The following OSBPL10 variants were observed in gnomAD, a reference collection of about 807,000 sequenced individuals.
The protein encoded by OSBPL10 is oxysterol binding protein like 10.
A neutral mutation model predicts 81.7 loss-of-function variants in OSBPL10; 49 were observed. That is an observed-to-expected ratio of 0.60 (90% CI 0.48 to 0.76). The LOEUF (loss-of-function observed/expected upper bound fraction) is 0.76, where lower values mean the gene tolerates loss of function less well. Ranked by LOEUF, OSBPL10 falls within the 30% of genes least tolerant of loss-of-function variation. OSBPL10 has a pLI of 0.00. For missense variants in OSBPL10, 923 were observed against 987.8 expected (o/e 0.93, Z 0.88); for synonymous variants, 419 against 383.6 (o/e 1.09, Z -1.08).
At chr3:31,933,492 T>C (rs1697305351) in intron 1 of OSBPL10, among the ~76,000 whole-genome samples, 2 of 151,892 alleles carry the variant, frequency 1.3e-5, no homozygotes, top group East Asian at 3.9e-4. Flanking sequence ...GCAGCCTCGA[T>C]CTCCTGGGCT....
In OSBPL10 at chr3:31,847,210, T is replaced by TA. The variant is rs1559490091; in HGVS notation, c.538-16980_538-16979insT. On this transcript the variant is annotated intron_variant, in intron 3 of 11. Coordinates refer to ENST00000396556, the MANE Select transcript of OSBPL10 (RefSeq NM_017784.5). ...TCCCCATTCCTTTTTTTTTTTTTTT[T>TA]TAAAAAGACAGAATTTCATTTGGTA... Among the ~76,000 whole-genome samples, 31 of 106,020 alleles carry TA rather than the reference T, an allele frequency of 2.9e-4. 1 individual carries two copies. The highest frequency in any genetic ancestry group is 5.9e-4 in the Admixed American group (7 of 11,936). 69.6% of individuals were successfully genotyped at this position (106,020 alleles called of 152,430 possible).
chr3:32,071,464 C>G (rs4955230), intron 1 of OSBPL10, among the ~76,000 whole-genome samples: 1 of 145,748 alleles, frequency 6.9e-6, no homozygotes, highest in African/African-American at 2.5e-5. Context: ...TCATCCCAAC[C>G]CTTTTCATTA....
chr3:31,894,108 G>A (rs552061055), intron 1 of OSBPL10, among the ~76,000 whole-genome samples: 132 of 152,322 alleles, frequency 8.7e-4, no homozygotes, highest in Middle Eastern at 3.4e-3. Flanking sequence ...AAGATTTGAT[G>A]AGGCAGGAAT....
chr3:31,858,304 T>C (rs1395232718), intron 3 of OSBPL10, among the ~76,000 whole-genome samples: 1 of 152,130 alleles, frequency 6.6e-6, no homozygotes, highest in Non-Finnish European at 1.5e-5. Context: ...CCCAGCCCCC[T>C]ATGTTTTTTA....
intron 1 of OSBPL10, among the ~76,000 whole-genome samples, chr3:31,893,953 A>G (rs1229951402): frequency 6.6e-6 from 1 of 152,244 alleles, no homozygotes; most frequent in Non-Finnish European, 1.5e-5. Flanking sequence ...TTACAAAACT[A>G]TATAAATTTA....
intron 5 of OSBPL10, among the ~76,000 whole-genome samples, chr3:31,742,299 C>G (rs751572805): frequency 6.6e-6 from 1 of 152,202 alleles, no homozygotes; most frequent in Admixed American, 6.5e-5. Flanking sequence ...AGGGTCCTTA[C>G]AATAGTCTCA....
chr3:32,076,894 T>G (rs1055165356), intron 1 of OSBPL10, among the ~76,000 whole-genome samples: 1 of 152,110 alleles, frequency 6.6e-6, no homozygotes, highest in Non-Finnish European at 1.5e-5. Flanking sequence ...TGGTGCAAGC[T>G]GATCCATCAA....
Position 31,668,823 on chromosome 3 carries a change from C to A in OSBPL10, c.1915G>T (p.Val639Phe), listed in dbSNP as rs1238265625. ...GGGTTGTGCTTCACTTCTGCGGTAA[C>A]CCTGAATTAATGAGTCAAATGAGTA... ...KPFYGGKVHR[V>F]TAEVKHNPTN... Residue 639 changes from valine to phenylalanine, a missense_variant and splice_region_variant, in exon 10 of 12, where the codon GTT becomes TTT. Physicochemically the swap from Val to Phe is conservative, Grantham distance 50. Transcript: ENST00000396556. The A allele has an allele frequency of 6.2e-7, 1 of 1,602,564 alleles. No homozygotes were observed. Among genetic ancestry groups the A allele is most frequent in the Non-Finnish European group, 8.5e-7 (1 of 1,172,886 alleles).
intron 1 of OSBPL10, among the ~76,000 whole-genome samples, chr3:32,072,312 C>G (rs1699837197): frequency 6.6e-6 from 1 of 152,180 alleles, no homozygotes; most frequent in South Asian, 2.1e-4. Flanking sequence ...TCCCATTGCT[C>G]AGGGCAATGC....
intron 4 of OSBPL10, among the ~76,000 whole-genome samples, chr3:31,799,072 C>T (rs1043775475): frequency 6.6e-6 from 1 of 152,168 alleles, no homozygotes; most frequent in Non-Finnish European, 1.5e-5. Flanking sequence ...AGGTCCACCA[C>T]CTGGGGATTG....
At chr3:31,754,285 C>A (rs1279009008) in intron 4 of OSBPL10, among the ~76,000 whole-genome samples, 1 of 152,130 alleles carries the variant, frequency 6.6e-6, no homozygotes, top group African/African-American at 2.4e-5. Context: ...ATCTGTTAAG[C>A]CTGTTTTAGT....
At chr3:31,929,911 A>G (rs1260882310) in intron 1 of OSBPL10, among the ~76,000 whole-genome samples, 1 of 148,982 alleles carries the variant, frequency 6.7e-6, no homozygotes, top group Non-Finnish European at 1.5e-5. Flanking sequence ...AAGCAAGAAG[A>G]TGGCTTAAAC....
At chr3:31,798,873 A>G (rs1699303878) in intron 4 of OSBPL10, among the ~76,000 whole-genome samples, 1 of 152,208 alleles carries the variant, frequency 6.6e-6, no homozygotes, top group African/African-American at 2.4e-5. Context: ...ACCAGTGACC[A>G]GTTTTGTGGA....
intron 3 of OSBPL10, among the ~76,000 whole-genome samples, chr3:31,838,508 CAAAAAAA>C (rs60893746): frequency 2.4e-4 from 23 of 95,702 alleles, no homozygotes; most frequent in African/African-American, 1.0e-3. Flanking sequence ...AAGACTCTGT[CAAAAAAA>C]AAAAAAAAAA....
At chr3:31,664,568 A>C (rs1700144690) in intron 10 of OSBPL10, 1 of 413,758 alleles carries the variant, frequency 2.4e-6, no homozygotes, top group Admixed American at 4.1e-5. Flanking sequence ...CATATTTCTA[A>C]GCATTTTACA....
intron 4 of OSBPL10, among the ~76,000 whole-genome samples, chr3:31,828,016 T>C (rs925801253): frequency 1.6e-4 from 25 of 152,174 alleles, no homozygotes; most frequent in Admixed American, 2.0e-4. Flanking sequence ...TTTTTTTTCA[T>C]ACATACAGGC....
At chr3:31,880,364 C>G (rs1380430781) in intron 1 of OSBPL10, among the ~76,000 whole-genome samples, 1 of 152,226 alleles carries the variant, frequency 6.6e-6, no homozygotes, top group Non-Finnish European at 1.5e-5. Flanking sequence ...TGGACACGCT[C>G]TAGCAGGCCC....
upstream of OSBPL10, among the ~76,000 whole-genome samples, chr3:31,982,054 C>A (rs1332613972): frequency 2.6e-5 from 4 of 152,182 alleles, no homozygotes; most frequent in Non-Finnish European, 4.4e-5. Flanking sequence ...TAACCCTAAT[C>A]CCCTGCCCTG....
intron 4 of OSBPL10, chr3:31,797,712 A>G (rs1699267397): frequency 2.3e-6 from 1 of 434,998 alleles, no homozygotes; most frequent in South Asian, 1.6e-5. Flanking sequence ...GTACCATGAT[A>G]TAAGTCACAG....
Sources: allele counts gnomAD v4.1 joint callset (sites outside exome capture counted in the v4.1 genomes callset), GRCh38; gene constraint gnomAD v4.1.1; transcripts MANE v1.5; gene names NCBI Gene and HGNC (gene_info 2026-07-23, HGNC 2026-07-21).